Variants in PRKAR2B observed in about 807,000 individuals in gnomAD.
PRKAR2B encodes the protein protein kinase cAMP-dependent type II regulatory subunit beta, also known as cAMP-dependent protein kinase type II-beta regulatory subunit.
In PRKAR2B, 14 loss-of-function variants were observed where a neutral mutation model predicts 49.9. The observed-to-expected ratio is 0.28, with a 90% CI of 0.19 to 0.44. PRKAR2B has a LOEUF of 0.44. PRKAR2B is among the 20% of genes least tolerant of loss of function. The pLI is 1.00. For missense variants in PRKAR2B, 393 were observed against 537.9 expected (o/e 0.73, Z 2.67); for synonymous variants, 196 against 197.7 (o/e 0.99, Z 0.07).
intron 4 of PRKAR2B, among the ~76,000 whole-genome samples, chr7:107,139,105 T>A (rs371954231): frequency 5.9e-5 from 9 of 152,298 alleles, no homozygotes; most frequent in East Asian, 5.8e-4. Context: ...TATAATATCA[T>A]CTTAAATGTC....
chr7:107,084,104 CA>C lies in PRKAR2B; in HGVS notation c.343+13789del, dbSNP rs546406218. Among the ~76,000 whole-genome samples the C allele has an allele frequency of 8.3e-4, 127 of 152,118 alleles. 1 individual carries two copies. The highest frequency in any genetic ancestry group is 1.5e-3 in the Non-Finnish European group (102 of 68,000). ...GGAAGTTATGTTAAATATTTTTTTG[CA>C]CTAAATTCCAATAAAGCAGAGAAAA... is the stretch of plus-strand genomic sequence containing the variant. On this transcript the variant is annotated intron_variant, in intron 2 of 10. Coordinates refer to ENST00000265717, the MANE Select transcript of PRKAR2B (RefSeq NM_002736.3).
At chr7:107,077,503 G>A (rs1203841242) in intron 2 of PRKAR2B, 1 of 152,206 alleles carries the variant, frequency 6.6e-6, no homozygotes, top group Non-Finnish European at 1.5e-5. Context: ...TAAGGAGAGA[G>A]ACTATTCTAG....
Position 107,045,188 on chromosome 7 carries a change from C to A in PRKAR2B, c.281C>A (p.Ala94Glu). 6.9e-7 allele frequency: 1 copy of A among 1,452,070 alleles called. No homozygotes were observed. The allele number at this position is 1,452,070 out of a possible 1,614,324, so 89.9% of individuals were successfully genotyped here. ...GAGGACGGGGAGGAGGAGGAGGCGG[C>A]GCCCGCGGACGCAGGGGCGTTCAAT... ...DSEDGEEEEA[A>E]PADAGAFNAP... is the part of the protein sequence containing the mutation. Residue 94 changes from alanine to glutamate, a missense_variant, in exon 1 of 11, where the codon GCG becomes GAG. By Grantham distance (107) the Ala-to-Glu change is moderately radical (BLOSUM62 -1). Coordinates refer to ENST00000265717, the MANE Select transcript of PRKAR2B (RefSeq NM_002736.3).
At position 107,065,811 on chromosome 7, in the gene PRKAR2B, G is replaced by A. The variant is rs1331839016; in HGVS notation, c.308-4470G>A. Among the ~76,000 whole-genome samples, 7 of 152,202 alleles carry A rather than the reference G, an allele frequency of 4.6e-5. No individual in the cohort carries two copies. The East Asian group carries it at 1.3e-3, about 29-fold the overall frequency. ...ATAGGCATTGGGCATGAAGAGGTGAGCAGATAAGCAGTTCCTGCTGGCCTG... is the reference window on the plus strand; with the variant it reads ...ATAGGCATTGGGCATGAAGAGGTGAACAGATAAGCAGTTCCTGCTGGCCTG... On this transcript the variant is annotated intron_variant, in intron 1 of 10. Coordinates refer to ENST00000265717, the MANE Select transcript of PRKAR2B (RefSeq NM_002736.3).
chr7:107,056,499 T>TGG (rs1368138474), intron 1 of PRKAR2B, among the ~76,000 whole-genome samples: 1 of 152,216 alleles, frequency 6.6e-6, no homozygotes, highest in Non-Finnish European at 1.5e-5. Flanking sequence ...CATTGAGCAG[T>TGG]GGTTTGTAGT....
chr7:107,088,064 C>T (rs1283330428), intron 2 of PRKAR2B, among the ~76,000 whole-genome samples: 3 of 152,044 alleles, frequency 2.0e-5, no homozygotes, highest in Non-Finnish European at 2.9e-5. Flanking sequence ...TCGTGTAATT[C>T]TCTCATCAGC....
chr7:107,045,165 G>T lies in PRKAR2B; in HGVS notation c.258G>T (p.Glu86Asp). ...FAEEPMQSDS[E>D]DGEEEEAAPA... ...AGGAGCCCATGCAGTCCGACTCCGA[G>T]GACGGGGAGGAGGAGGAGGCGGCGC... The change falls in exon 1 of 11, where the codon GAG becomes GAT. Residue 86 changes from glutamate (E) to aspartate (D), a missense_variant. This residue lies in a region of PRKAR2B where 160 missense variants were observed against 147.6 expected (regional missense o/e 1.08). Transcript: ENST00000265717. 6.7e-7 allele frequency: 1 copy of T among 1,481,612 alleles called. No homozygotes were observed. The highest frequency in any genetic ancestry group is 9.0e-7 in the Non-Finnish European group (1 of 1,116,126). The allele number at this position is 1,481,612 out of a possible 1,614,324, so 91.8% of individuals were successfully genotyped here. A position where few individuals can be genotyped will look rare whatever the true frequency, so the allele number is the denominator to read the frequency against.
At chr7:107,057,581 T>C (rs1329469789) in intron 1 of PRKAR2B, among the ~76,000 whole-genome samples, 1 of 152,216 alleles carries the variant, frequency 6.6e-6, no homozygotes, top group East Asian at 1.9e-4. Context: ...GTATAGACTC[T>C]AGATTTGAAG....
chr7:107,048,055 GCCATCACTTGC>G (rs578120729), intron 1 of PRKAR2B, among the ~76,000 whole-genome samples: 175 of 152,312 alleles, frequency 1.1e-3, no homozygotes, highest in Admixed American at 2.2e-3. Flanking sequence ...GAACGATAAG[GCCATCACTTGC>G]CCAGTGTTTC....
intron 1 of PRKAR2B, chr7:107,066,754 G>A (rs1794155704): frequency 6.6e-6 from 1 of 151,664 alleles, no homozygotes; most frequent in African/African-American, 2.4e-5. Flanking sequence ...TTAATTTTTA[G>A]TATAGAGATG....
chr7:107,121,954 T>A lies in PRKAR2B; in HGVS notation c.346T>A (p.Cys116Ser). 1 of 1,582,798 alleles carries A rather than the reference T, an allele frequency of 6.3e-7. No homozygotes were observed. Among genetic ancestry groups the A allele is most frequent in the Non-Finnish European group, 8.6e-7 (1 of 1,158,690 alleles). ...INRFTRRASV[C>S]AEAYNPDEEE... ...GATGTTCATTTTTGTTTTTATAGTA[T>A]GTGCAGAAGCTTATAATCCTGATGA... Residue 116 changes from cysteine (C) to serine (S), a missense_variant and splice_region_variant, in exon 3 of 11, where the codon TGT becomes AGT. Cys to Ser is a moderately radical substitution (Grantham distance 112). Transcript: ENST00000265717.
chr7:107,073,774 A>T (rs1454283010), intron 2 of PRKAR2B, among the ~76,000 whole-genome samples: 1 of 152,126 alleles, frequency 6.6e-6, no homozygotes, highest in East Asian at 1.9e-4. Flanking sequence ...TCCTTAAGAC[A>T]GAGAGGCCTG....
chr7:107,059,013 C>CGGT (rs537263996), intron 1 of PRKAR2B, among the ~76,000 whole-genome samples: 23 of 152,090 alleles, frequency 1.5e-4, no homozygotes, highest in Non-Finnish European at 3.1e-4. Context: ...TGGCCACGCA[C>CGGT]GGTGGCTCAC....
intron 1 of PRKAR2B, among the ~76,000 whole-genome samples, chr7:107,046,357 G>T (rs1793693728): frequency 1.3e-5 from 2 of 152,170 alleles, no homozygotes; most frequent in Admixed American, 6.5e-5. Flanking sequence ...TTCATAAAAT[G>T]AAAACATTTA....
chr7:107,155,505 T>C (rs560271747), intron 8 of PRKAR2B, among the ~76,000 whole-genome samples: 69 of 152,364 alleles, frequency 4.5e-4, no homozygotes, highest in Non-Finnish European at 9.0e-4. Flanking sequence ...AAAGCATTCC[T>C]ATTTCTCCAC....
chr7:107,112,626 C>T (rs1429796860), intron 2 of PRKAR2B, among the ~76,000 whole-genome samples: 2 of 151,446 alleles, frequency 1.3e-5, no homozygotes, highest in African/African-American at 4.9e-5. Flanking sequence ...TTTGAACTCA[C>T]AGAAAATAAC....
chr7:107,154,298 GC>G (rs1469602684), intron 8 of PRKAR2B, among the ~76,000 whole-genome samples: 1 of 152,156 alleles, frequency 6.6e-6, no homozygotes, highest in African/African-American at 2.4e-5. Flanking sequence ...TTCTCCTAAT[GC>G]GTTTTGCATC....
chr7:107,109,163 G>A (rs192942404), intron 2 of PRKAR2B, among the ~76,000 whole-genome samples: 1 of 152,290 alleles, frequency 6.6e-6, no homozygotes, highest in Admixed American at 6.5e-5. Flanking sequence ...AAACTGTTGT[G>A]GTGCTGGTGG....
intron 2 of PRKAR2B, among the ~76,000 whole-genome samples, chr7:107,079,906 T>G (rs1794484555): frequency 6.6e-6 from 1 of 152,146 alleles, no homozygotes; most frequent in African/African-American, 2.4e-5. Flanking sequence ...GGCATGTGTG[T>G]AGAGCGGTGT....
Sources: allele counts gnomAD v4.1 joint callset (sites outside exome capture counted in the v4.1 genomes callset), GRCh38; gene constraint gnomAD v4.1.1; regional missense constraint gnomAD v4.1.1; transcripts MANE v1.5; gene names NCBI Gene and HGNC (gene_info 2026-07-23, HGNC 2026-07-21).